The following ABCC10 variants were observed in gnomAD, a reference collection of about 807,000 sequenced individuals.
ABCC10 encodes ATP binding cassette subfamily C member 10.
Under a neutral mutation model 143.2 loss-of-function variants are expected in ABCC10, and 110 were observed. The ratio of observed to expected loss-of-function variants is 0.77; its 90% CI spans 0.66 to 0.90. ABCC10 has a LOEUF of 0.90. ABCC10 is among the 40% of genes least tolerant of loss of function. ABCC10 has a pLI of 0.00. For synonymous variants in ABCC10, 805 were observed against 846.7 expected (o/e 0.95, Z 0.85); for missense variants, 1,700 against 1,900.5 (o/e 0.89, Z 1.96).
chr6:43,444,669 A>T, intron 12 of ABCC10, 119 bp from the exon 13 acceptor site: 1 of 1,425,028 alleles, frequency 7.0e-7, no homozygotes, highest in Non-Finnish European at 9.4e-7. Flanking sequence ...TGGGGAGGCC[A>T]GGCCAGGCGG....
chr6:43,441,933 G>A lies in ABCC10; in HGVS notation c.2199G>A (p.Arg733=), dbSNP rs777746882. 1.4e-5 allele frequency: 23 copies of A among 1,613,926 alleles called. No homozygotes were observed. The highest frequency in any genetic ancestry group is 1.9e-5 in the Non-Finnish European group (23 of 1,179,868). ...GVTLSGGQRA[R]IALARAVYQE... ...CCCTTAGCGGAGGACAGCGTGCCCG[G>A]ATTGCCCTTGCTCGTGCTGTCTACC... Residue 733 remains arginine, a synonymous_variant, in exon 9 of 22, where the codon CGG becomes CGA. Coordinates refer to ENST00000372530, the MANE Select transcript of ABCC10 (RefSeq NM_001198934.2).
chr6:43,438,222 T>C (rs1581736599), intron 7 of ABCC10: 2 of 936,880 alleles, frequency 2.1e-6, no homozygotes, highest in East Asian at 5.4e-5. Flanking sequence ...TTAAATGCTA[T>C]AATAGTCAGC....
chr6:43,438,052 C>G (rs1322842869), intron 7 of ABCC10, 39 bp downstream of exon 7: 1 of 1,587,250 alleles, frequency 6.3e-7, no homozygotes, highest in Non-Finnish European at 8.6e-7. Flanking sequence ...TTACTTTGTC[C>G]TTTAGCAAAC....
intron 3 of ABCC10, 85 bp downstream of exon 3, chr6:43,433,445 G>C (rs1211457012): frequency 6.8e-7 from 1 of 1,462,138 alleles, no homozygotes; most frequent in African/African-American, 1.4e-5. Context: ...ACTACCTGAG[G>C]GAGTGAGAGT....
At position 43,443,904 on chromosome 6, in the gene ABCC10, C is replaced by A. The variant is rs780776758; in HGVS notation, c.2417-29C>A. Reference sequence around the variant, plus strand: ...GGCATAGTATAGACTCAGAACAGTCCTCTCCCAATCTCCCCTTCTACCCTC... The same window carrying A: ...GGCATAGTATAGACTCAGAACAGTCATCTCCCAATCTCCCCTTCTACCCTC... On this transcript the variant is annotated intron_variant, in intron 10 of 21. Coordinates refer to ENST00000372530, the MANE Select transcript of ABCC10 (RefSeq NM_001198934.2). The surrounding 1 kb of genome is among the most constrained non-coding windows in gnomAD (Gnocchi z 4.2). 1 of 1,584,436 alleles carries A rather than the reference C, an allele frequency of 6.3e-7. No individual in the cohort carries two copies. The highest frequency in any genetic ancestry group is 8.7e-7 in the Non-Finnish European group (1 of 1,152,844).
Position 43,447,358 on chromosome 6 carries a change from G to A in ABCC10, c.3655G>A (p.Glu1219Lys). The change falls in exon 17 of 22, where the codon GAA becomes AAA. Residue 1219 changes from glutamate (E) to lysine (K), a missense_variant. Transcript: ENST00000372530. The stretch of plus-strand genomic sequence containing the variant: ...CATGCTGGTGAGCGTCGAGCGGCTG[G>A]AAGAGTACACCTGTGACCTGCCCCA... Reference protein sequence around the residue: ...EAMLVSVERLEEYTCDLPQEP... With the variant: ...EAMLVSVERLKEYTCDLPQEP... The A allele has an allele frequency of 6.2e-7, 1 of 1,613,302 alleles. No homozygotes were observed. The highest frequency in any genetic ancestry group is 1.1e-5 in the South Asian group (1 of 91,080).
rs1780654525 is a variant in ABCC10, at chr6:43,427,713, G to C, written c.-56G>C. 2 of 564,950 alleles carry C rather than the reference G, an allele frequency of 3.5e-6. No homozygotes were observed. The highest frequency in any genetic ancestry group is 3.2e-6 in the Non-Finnish European group (1 of 313,212). The allele number at this position is 564,950 out of a possible 1,614,324, so 35.0% of individuals were successfully genotyped here. A position where few individuals can be genotyped will look rare whatever the true frequency, so the allele number is the denominator to read the frequency against. ...CAGCTTCTTCAGGTTTGAGGTTCCG[G>C]ATGCCTGGGGGCGGAGAAACGGGAG... On this transcript the variant is annotated 5_prime_UTR_variant, in exon 1 of 22. Coordinates refer to ENST00000372530, the MANE Select transcript of ABCC10 (RefSeq NM_001198934.2).
In ABCC10 at chr6:43,433,260, T is replaced by C. The variant is rs1426548142; in HGVS notation, c.1280T>C (p.Leu427Pro). 1.2e-6 allele frequency: 2 copies of C among 1,614,068 alleles called. No homozygotes were observed. Among genetic ancestry groups the C allele is most frequent in the African/African-American group, 2.7e-5 (2 of 74,932 alleles). The part of the protein sequence containing the change: ...QQVGVAFVGG[L>P]ILALLLVPVN... ...GTAGGCGTGGCCTTCGTGGGTGGTCTCATCTTGGCACTGCTGCTGGTACCC... is the reference window on the plus strand; with the variant it reads ...GTAGGCGTGGCCTTCGTGGGTGGTCCCATCTTGGCACTGCTGCTGGTACCC... Residue 427 changes from leucine to proline, a missense_variant, in exon 3 of 22, where the codon CTC (leucine) becomes CCC (proline). Physicochemically the swap from Leu to Pro is moderately conservative, Grantham distance 98. Coordinates refer to ENST00000372530, the MANE Select transcript of ABCC10 (RefSeq NM_001198934.2).
At chr6:43,447,048 A>T (rs1018426442) in intron 16 of ABCC10, 200 bp from the exon 17 acceptor site, 5 of 780,398 alleles carry the variant, frequency 6.4e-6, no homozygotes, top group Non-Finnish European at 3.8e-6. Flanking sequence ...GGGTTTCACC[A>T]TGTTGGCCAG....
In ABCC10 at chr6:43,443,757, C is replaced by A; in HGVS notation, c.2417-176C>A. 1 of 631,566 alleles carries A rather than the reference C, an allele frequency of 1.6e-6. No homozygotes were observed. 39.1% of individuals were successfully genotyped at this position (631,566 alleles called of 1,614,324 possible). On this transcript the variant is annotated intron_variant, in intron 10 of 21. Coordinates refer to ENST00000372530, the MANE Select transcript of ABCC10 (RefSeq NM_001198934.2). The surrounding 1 kb of genome is among the most constrained non-coding windows in gnomAD (Gnocchi z 4.2). ...GCTCGAGGTCTAGGGGTATCCAGAG[C>A]AGGGTGGGTTAGAGAGGGAGGCCTA...
intron 2 of ABCC10, among the ~76,000 whole-genome samples, chr6:43,431,117 AT>A (rs1283491172): frequency 6.6e-6 from 1 of 152,180 alleles, no homozygotes; most frequent in African/African-American, 2.4e-5. Context: ...AAAAAGAGAT[AT>A]TTTTCTTTAG....
Position 43,427,747 on chromosome 6 carries a change from C to A in ABCC10, c.-22C>A. ...GGGCGGAGAAACGGGAGGGGAAAAA[C>A]AGATGGCAAGGTGGGTGACCAGCGT... On this transcript the variant is annotated 5_prime_UTR_variant, in exon 1 of 22. Coordinates refer to ENST00000372530, the MANE Select transcript of ABCC10 (RefSeq NM_001198934.2). 1 of 597,598 alleles carries A rather than the reference C, an allele frequency of 1.7e-6. No homozygotes were observed. Among genetic ancestry groups the A allele is most frequent in the Non-Finnish European group, 3.0e-6 (1 of 334,528 alleles). 37.0% of individuals were successfully genotyped at this position (597,598 alleles called of 1,614,324 possible).
At chr6:43,451,795 CTT>C, downstream of ABCC10, 3 of 1,419,052 alleles carry the variant, frequency 2.1e-6, no homozygotes, top group South Asian at 4.7e-5. The surrounding 1 kb of genome is among the most constrained non-coding windows in gnomAD (Gnocchi z 4.4). Flanking sequence ...ACTAGGAACA[CTT>C]TGGCATGCAG....
At position 43,447,413 on chromosome 6, in the gene ABCC10, G is replaced by C; in HGVS notation, c.3705+5G>C. The C allele has an allele frequency of 6.2e-7, 1 of 1,612,280 alleles. No individual in the cohort carries two copies. Among genetic ancestry groups the C allele is most frequent in the Non-Finnish European group, 8.5e-7 (1 of 1,179,588 alleles). On this transcript the variant is annotated splice_donor_5th_base_variant and intron_variant, in intron 17 of 21. Transcript: ENST00000372530. Reference sequence around the variant, plus strand: ...CCCCAGGGCCAGCCACTGCAGGTGGGCCTGTACCCCCACCCCAGGCCAAAG... The same window carrying C: ...CCCCAGGGCCAGCCACTGCAGGTGGCCCTGTACCCCCACCCCAGGCCAAAG...
rs746434520 is a variant in ABCC10, at chr6:43,434,781, C to T, written c.1541C>T (p.Pro514Leu). The T allele has an allele frequency of 1.1e-5, 18 of 1,614,040 alleles. No homozygotes were observed. The highest frequency in any genetic ancestry group is 4.5e-5 in the East Asian group (2 of 44,890). The change falls in exon 4 of 22, where the codon CCG (proline) becomes CTG (leucine). Residue 514 changes from proline to leucine, a missense_variant. By Grantham distance (98) the Pro-to-Leu change is moderately conservative. Transcript: ENST00000372530. ...TGTGTATACCTGTGGGCTGCCCTACCGGTTGTCATCTCCATCGTTATCTTC... is the reference window on the plus strand; with the variant it reads ...TGTGTATACCTGTGGGCTGCCCTACTGGTTGTCATCTCCATCGTTATCTTC... ...AACVYLWAAL[P>L]VVISIVIFIT...
At chr6:43,445,016 T>G in intron 13 of ABCC10, 78 bp downstream of exon 13, 1 of 1,579,952 alleles carries the variant, frequency 6.3e-7, no homozygotes, top group South Asian at 1.2e-5. Context: ...GTGGCCGGTA[T>G]TCCAGATGCT....
downstream of ABCC10, chr6:43,450,841 C>T: frequency 6.2e-7 from 1 of 1,614,204 alleles, no homozygotes; most frequent in Non-Finnish European, 8.5e-7. The surrounding 1 kb of genome is among the most constrained non-coding windows in gnomAD (Gnocchi z 4.5). Flanking sequence ...AGCAGACCAG[C>T]CCCTGCGCTG....
intron 19 of ABCC10, 39 bp from the exon 20 acceptor site, chr6:43,449,068 G>A: frequency 6.2e-7 from 1 of 1,613,836 alleles, no homozygotes; most frequent in Non-Finnish European, 8.5e-7. Context: ...AGGGAGCAGG[G>A]ATGGCCTGGG....
intron 14 of ABCC10, 42 bp downstream of exon 14, chr6:43,445,356 GC>G: frequency 6.3e-7 from 1 of 1,578,008 alleles, no homozygotes; most frequent in East Asian, 2.3e-5. Flanking sequence ...TGCAGTCCTA[GC>G]CCCTGTGGAG....
Sources: allele counts gnomAD v4.1 joint callset (sites outside exome capture counted in the v4.1 genomes callset), GRCh38; gene constraint gnomAD v4.1.1; non-coding constraint Gnocchi (gnomAD v3.1); transcripts MANE v1.5; gene names NCBI Gene and HGNC (gene_info 2026-07-23, HGNC 2026-07-21).